The following ATRNL1 variants were observed in gnomAD, a reference collection of about 807,000 sequenced individuals.
The protein encoded by ATRNL1 is attractin-like protein 1.
In ATRNL1, 95 loss-of-function variants were observed where a neutral mutation model predicts 182.7. The ratio of observed to expected loss-of-function variants is 0.52; its 90% CI spans 0.44 to 0.62. The LOEUF (loss-of-function observed/expected upper bound fraction) is 0.62, where lower values mean the gene tolerates loss of function less well. Ranked by LOEUF, ATRNL1 falls within the 20% of genes least tolerant of loss-of-function variation. The pLI is 0.00. For synonymous variants in ATRNL1, 576 were observed against 568.3 expected (o/e 1.01, Z -0.19); for missense variants, 1,471 against 1,679.5 (o/e 0.88, Z 2.17).
chr10:115,699,414 GTAAT>G (rs1320854382), intron 26 of ATRNL1, among the ~76,000 whole-genome samples: 1 of 152,100 alleles, frequency 6.6e-6, no homozygotes, highest in Non-Finnish European at 1.5e-5. Flanking sequence ...TAAAACTAGA[GTAAT>G]TAAGAAATGT....
chr10:115,260,764 A>C (rs1296496867), intron 10 of ATRNL1, among the ~76,000 whole-genome samples: 2 of 152,142 alleles, frequency 1.3e-5, no homozygotes, highest in Non-Finnish European at 2.9e-5. Flanking sequence ...TGGAAATTAA[A>C]ATTAGGAAAA....
In ATRNL1 at chr10:115,536,549, A is replaced by T. The variant is rs527962576; in HGVS notation, c.3717-12909A>T. Reference sequence around the variant, plus strand: ...TTTGACTAGGTAAGGGAATTTCCTGACGCCTTGTGCTTCCCAAGTGAGGCA... The same window carrying T: ...TTTGACTAGGTAAGGGAATTTCCTGTCGCCTTGTGCTTCCCAAGTGAGGCA... On this transcript the variant is annotated intron_variant, in intron 25 of 28. Transcript: ENST00000355044. Among the ~76,000 whole-genome samples the T allele has an allele frequency of 3.9e-5, 6 of 152,280 alleles. No individual in the cohort carries two copies. In the South Asian group the frequency reaches 8.3e-4, roughly 21 times the overall value.
chr10:115,802,047 A>ACACACACACACACAC (rs1555084482), intron 27 of ATRNL1, among the ~76,000 whole-genome samples: 3 of 19,482 alleles, frequency 1.5e-4, no homozygotes, highest in African/African-American at 4.3e-4. Context: ...CACACACACA[A>ACACACACACACACAC]AACAAAAAAA....
At chr10:115,799,165 T>C (rs1949732405) in intron 27 of ATRNL1, among the ~76,000 whole-genome samples, 1 of 152,120 alleles carries the variant, frequency 6.6e-6, no homozygotes, top group Admixed American at 6.5e-5. Flanking sequence ...ATCTTTACAT[T>C]TATAATACCT....
chr10:115,496,744 G>A (rs1849570003), intron 24 of ATRNL1, among the ~76,000 whole-genome samples: 1 of 152,166 alleles, frequency 6.6e-6, no homozygotes, highest in Non-Finnish European at 1.5e-5. Context: ...GGCTTATAAG[G>A]CCTCTGCTCA....
intron 26 of ATRNL1, among the ~76,000 whole-genome samples, chr10:115,653,479 C>T (rs1257143272): frequency 6.6e-6 from 1 of 152,154 alleles, no homozygotes; most frequent in African/African-American, 2.4e-5. Flanking sequence ...GATCTGTTTG[C>T]AAACTTTGCC....
At chr10:115,936,251 T>C (rs1189906391) in intron 28 of ATRNL1, among the ~76,000 whole-genome samples, 3 of 152,198 alleles carry the variant, frequency 2.0e-5, no homozygotes, top group African/African-American at 7.2e-5. Flanking sequence ...TGAACTCTTA[T>C]ATACCAGGCG....
rs374058637 is a variant in ATRNL1, at chr10:115,093,913, G to A, written c.163G>A (p.Ala55Thr). Residue 55 changes from alanine (A) to threonine (T), a missense_variant, in exon 1 of 29, where the codon GCG becomes ACG. This residue lies in a region of ATRNL1 where 1,031 missense variants were observed against 1,156.0 expected (regional missense o/e 0.89). Coordinates refer to ENST00000355044, the MANE Select transcript of ATRNL1 (RefSeq NM_207303.4). The surrounding 1 kb of genome is among the most constrained non-coding windows in gnomAD (Gnocchi z 6.1). ...CYGFLYLALY[A>T]QVSQSKPCER... ...TGGCTTCCTCTACCTGGCGCTCTAC[G>A]CGCAGGTGTCCCAGTCCAAGCCGTG... 20 of 1,597,318 alleles carry A rather than the reference G, an allele frequency of 1.3e-5. No homozygotes were observed. The highest frequency in any genetic ancestry group is 2.3e-5 in the East Asian group (1 of 43,254).
chr10:115,128,465 T>C, intron 4 of ATRNL1: 1 of 797,234 alleles, frequency 1.3e-6, no homozygotes, highest in Non-Finnish European at 1.5e-6. Flanking sequence ...TATCCTTGAA[T>C]CAGCAATTTA....
chr10:115,636,999 C>A (rs1198411258), intron 26 of ATRNL1, among the ~76,000 whole-genome samples: 1 of 152,098 alleles, frequency 6.6e-6, no homozygotes, highest in Non-Finnish European at 1.5e-5. Flanking sequence ...AAAAGAAGAA[C>A]CCCCAAGTAA....
chr10:115,202,795 T>G (rs1229236049), intron 8 of ATRNL1, among the ~76,000 whole-genome samples: 1 of 147,614 alleles, frequency 6.8e-6, no homozygotes, highest in African/African-American at 2.5e-5. Context: ...TGGAATAGTT[T>G]CAGAAGGAAT....
At chr10:115,844,835 A>G (rs2134348150) in intron 27 of ATRNL1, among the ~76,000 whole-genome samples, 1 of 152,214 alleles carries the variant, frequency 6.6e-6, no homozygotes, top group African/African-American at 2.4e-5. Flanking sequence ...AATGGAAAAT[A>G]CATGATAAAT....
At chr10:115,289,122 C>G (rs1267623430) in intron 15 of ATRNL1, among the ~76,000 whole-genome samples, 1 of 152,016 alleles carries the variant, frequency 6.6e-6, no homozygotes, top group African/African-American at 2.4e-5. Flanking sequence ...TGGATGGCAG[C>G]GGGGAAAGAG....
At chr10:115,466,264 A>G (rs1238332405) in intron 22 of ATRNL1, among the ~76,000 whole-genome samples, 2 of 151,440 alleles carry the variant, frequency 1.3e-5, no homozygotes, top group African/African-American at 2.4e-5. Flanking sequence ...AAATAGTAAA[A>G]CGAAGGAATT....
At chr10:115,569,791 T>A (rs1264836906) in intron 26 of ATRNL1, among the ~76,000 whole-genome samples, 3 of 125,250 alleles carry the variant, frequency 2.4e-5, no homozygotes, top group East Asian at 2.3e-4. Flanking sequence ...TTTTTTTTTT[T>A]AACAATGTAT....
Position 115,502,620 on chromosome 10 carries a change from C to T in ATRNL1, c.3655-16643C>T, listed in dbSNP as rs558049204. ...ATAACTTCCATAATCCTCTTATAAC[C>T]TTTATTAAGGAGTCGGTTAATGCTT... is the stretch of plus-strand genomic sequence containing the variant. On this transcript the variant is annotated intron_variant, in intron 24 of 28. Coordinates refer to ENST00000355044, the MANE Select transcript of ATRNL1 (RefSeq NM_207303.4). 3.3e-5 allele frequency among the ~76,000 whole-genome samples: 5 copies of T among 151,940 alleles called. No homozygotes were observed. In the East Asian group the frequency reaches 9.7e-4, roughly 29 times the overall value.
At chr10:115,192,765 A>G (rs774811746) in intron 8 of ATRNL1, among the ~76,000 whole-genome samples, 1 of 151,930 alleles carries the variant, frequency 6.6e-6, no homozygotes, top group East Asian at 1.9e-4. Context: ...TATAATTTCA[A>G]TTGTAGAGAT....
chr10:115,185,029 T>C (rs1425415009), intron 8 of ATRNL1, among the ~76,000 whole-genome samples: 3 of 151,996 alleles, frequency 2.0e-5, no homozygotes, highest in South Asian at 4.1e-4. Context: ...AAGTTCTTCA[T>C]GTGGAAGACG....
chr10:115,350,000 A>G (rs1240681603), intron 19 of ATRNL1, among the ~76,000 whole-genome samples: 1 of 152,074 alleles, frequency 6.6e-6, no homozygotes, highest in Non-Finnish European at 1.5e-5. Context: ...TGTGATTTAG[A>G]GGTCTTACTC....
Sources: allele counts gnomAD v4.1 joint callset (sites outside exome capture counted in the v4.1 genomes callset), GRCh38; gene constraint gnomAD v4.1.1; regional missense constraint gnomAD v4.1.1; non-coding constraint Gnocchi (gnomAD v3.1); transcripts MANE v1.5; gene names NCBI Gene and HGNC (gene_info 2026-07-23, HGNC 2026-07-21).